The following SYNJ2BP variants were observed in gnomAD, a reference collection of about 807,000 sequenced individuals.
SYNJ2BP encodes synaptojanin-2-binding protein.
SYNJ2BP carries 10 observed loss-of-function variants against 16.9 expected under a neutral mutation model. The observed-to-expected ratio is 0.59, with a 90% CI of 0.36 to 1.00. The LOEUF is 1.00. Among genes scored for constraint, SYNJ2BP ranks in the 50% least tolerant of loss-of-function variants. The probability of loss-of-function intolerance (pLI) is 0.01; values close to 1 mark genes in which losing one functional copy is unlikely to be tolerated. For synonymous variants in SYNJ2BP, 54 were observed against 68.4 expected (o/e 0.79, Z 1.04); for missense variants, 162 against 186.7 (o/e 0.87, Z 0.77).
rs533481441 is a variant in SYNJ2BP at position 70,367,500 on chromosome 14, T to G, written c.*5491A>C. 4 of 135,312 alleles carry G rather than the reference T, an allele frequency of 3.0e-5. No individual in the cohort carries two copies. Among genetic ancestry groups the G allele is most frequent in the East Asian group, 4.7e-4 (2 of 4,246 alleles). 8.4% of individuals were successfully genotyped at this position (135,312 alleles called of 1,614,324 possible). ...TCGCTTGAACCCGGGCGGCAGAGAT[T>G]GCAGTGAGCTGAGATCGTGCCACTG... On this transcript the variant is annotated 3_prime_UTR_variant, in exon 4 of 4. Coordinates refer to ENST00000256366, the MANE Select transcript of SYNJ2BP (RefSeq NM_018373.3).
rs1887494376 is a variant in SYNJ2BP, at chr14:70,370,441, T to G, written c.*2550A>C. ...CTGTGGAACCTACAATGAGTCCAGT[T>G]GTCTAAGTGAGTCTCAAAGGTATTG... On this transcript the variant is annotated 3_prime_UTR_variant, in exon 4 of 4. Transcript: ENST00000256366. 1 of 152,204 alleles carries G rather than the reference T, an allele frequency of 6.6e-6. No homozygotes were observed. Among genetic ancestry groups the G allele is most frequent in the Admixed American group, 6.5e-5 (1 of 15,286 alleles). 9.4% of individuals were successfully genotyped at this position (152,204 alleles called of 1,614,324 possible). A position where few individuals can be genotyped will look rare whatever the true frequency, so the allele number is the denominator to read the frequency against.
chr14:70,388,657 A>C (rs762921740), intron 1 of SYNJ2BP, 51 bp from the exon 2 acceptor site: 1 of 1,432,872 alleles, frequency 7.0e-7, no homozygotes, highest in South Asian at 1.7e-5. Context: ...AGAAAGAAAG[A>C]GATTAGAGAA....
At chr14:70,375,524 A>C in intron 3 of SYNJ2BP, 152 bp downstream of exon 3, 1 of 980,592 alleles carries the variant, frequency 1.0e-6, no homozygotes, top group Non-Finnish European at 1.4e-6. Context: ...TGATAAGCAG[A>C]AGTACCAATG....
At chr14:70,381,019 A>G (rs1887738313) in intron 2 of SYNJ2BP, among the ~76,000 whole-genome samples, 1 of 152,234 alleles carries the variant, frequency 6.6e-6, no homozygotes, top group Non-Finnish European at 1.5e-5. Flanking sequence ...AGCATAATAA[A>G]TAGCACATGC....
intron 1 of SYNJ2BP, among the ~76,000 whole-genome samples, chr14:70,395,779 T>C (rs1888076603): frequency 6.6e-6 from 1 of 152,198 alleles, no homozygotes; most frequent in Non-Finnish European, 1.5e-5. Flanking sequence ...CACTAAAAAA[T>C]AGCTCCTTAT....
chr14:70,403,938 T>C (rs754607301), intron 1 of SYNJ2BP, among the ~76,000 whole-genome samples: 25 of 152,208 alleles, frequency 1.6e-4, no homozygotes, highest in Non-Finnish European at 2.8e-4. Context: ...GTAACTCAAA[T>C]GCCTTTTAGT....
In SYNJ2BP at chr14:70,370,424, C is replaced by A. The variant is rs754014901; in HGVS notation, c.*2567G>T. The A allele has an allele frequency of 2.6e-5, 4 of 152,116 alleles. No homozygotes were observed. Among genetic ancestry groups the A allele is most frequent in the Admixed American group, 6.5e-5 (1 of 15,276 alleles). The allele number at this position is 152,116 out of a possible 1,614,324, so 9.4% of individuals were successfully genotyped here. Reference sequence around the variant, plus strand: ...ATGTTGTCCGTGTTTTTCTGTGGAACCTACAATGAGTCCAGTTGTCTAAGT... The same window carrying A: ...ATGTTGTCCGTGTTTTTCTGTGGAAACTACAATGAGTCCAGTTGTCTAAGT... On this transcript the variant is annotated 3_prime_UTR_variant, in exon 4 of 4. Transcript: ENST00000256366.
At chr14:70,394,670 T>C (rs1375577758) in intron 1 of SYNJ2BP, among the ~76,000 whole-genome samples, 1 of 151,940 alleles carries the variant, frequency 6.6e-6, no homozygotes, top group Non-Finnish European at 1.5e-5. Flanking sequence ...CCTTGGAAAG[T>C]TAAACAAGAA....
rs548430824 is a variant in SYNJ2BP, at chr14:70,412,353, T to C, written c.64+4547A>G. Among the ~76,000 whole-genome samples, 7 of 152,092 alleles carry C rather than the reference T, an allele frequency of 4.6e-5. No homozygotes were observed. The East Asian group carries it at 7.7e-4, about 17-fold the overall frequency. ...AAAAATCCTTTGAAATTTACTGGCA[T>C]TAGAAACTGGGCAAGTCCTTAACCT... On this transcript the variant is annotated intron_variant, in intron 1 of 3. Coordinates refer to ENST00000256366, the MANE Select transcript of SYNJ2BP (RefSeq NM_018373.3).
At chr14:70,413,070 A>G (rs548061729) in intron 1 of SYNJ2BP, among the ~76,000 whole-genome samples, 6 of 152,352 alleles carry the variant, frequency 3.9e-5, no homozygotes, top group African/African-American at 1.4e-4. Flanking sequence ...CCTTGAAGAC[A>G]TTTGAGATTG....
At chr14:70,411,426 T>C (rs998528294) in intron 1 of SYNJ2BP, among the ~76,000 whole-genome samples, 11 of 152,304 alleles carry the variant, frequency 7.2e-5, no homozygotes, top group African/African-American at 2.6e-4. Context: ...GGCTAGGAAG[T>C]AGAAAGAATC....
chr14:70,406,182 C>A (rs528662369), intron 1 of SYNJ2BP, among the ~76,000 whole-genome samples: 23 of 152,158 alleles, frequency 1.5e-4, no homozygotes, highest in Non-Finnish European at 1.9e-4. Context: ...TACCACCACA[C>A]ACACACACCA....
At chr14:70,412,751 T>C (rs1888515860) in intron 1 of SYNJ2BP, among the ~76,000 whole-genome samples, 2 of 152,132 alleles carry the variant, frequency 1.3e-5, no homozygotes, top group Non-Finnish European at 1.5e-5. Flanking sequence ...TTCTCTTCCC[T>C]CTTTAAAGAT....
At chr14:70,395,565 C>T (rs930031168) in intron 1 of SYNJ2BP, among the ~76,000 whole-genome samples, 1 of 151,766 alleles carries the variant, frequency 6.6e-6, no homozygotes, top group African/African-American at 2.4e-5. Context: ...TAATTTTCTC[C>T]CAGACATCAA....
chr14:70,375,588 G>A, intron 3 of SYNJ2BP, 88 bp downstream of exon 3: 2 of 1,471,674 alleles, frequency 1.4e-6, no homozygotes, highest in East Asian at 2.4e-5. Flanking sequence ...AAAACAAAAA[G>A]CAACACTGAA....
chr14:70,393,279 G>A (rs1419589305), intron 1 of SYNJ2BP, among the ~76,000 whole-genome samples: 1 of 152,144 alleles, frequency 6.6e-6, no homozygotes, highest in East Asian at 1.9e-4. Flanking sequence ...TTGGAATGGC[G>A]ATCATTAAAA....
chr14:70,400,650 A>AC (rs1285957911), intron 1 of SYNJ2BP, among the ~76,000 whole-genome samples: 12 of 152,242 alleles, frequency 7.9e-5, no homozygotes, highest in African/African-American at 2.9e-4. Flanking sequence ...CAATCATTTA[A>AC]CCCCCTAAAC....
chr14:70,382,571 C>CA (rs751839097), intron 2 of SYNJ2BP, among the ~76,000 whole-genome samples: 3 of 152,170 alleles, frequency 2.0e-5, no homozygotes, highest in Non-Finnish European at 4.4e-5. Flanking sequence ...AGGTGATGGC[C>CA]AGACTGCTGG....
intron 1 of SYNJ2BP, among the ~76,000 whole-genome samples, chr14:70,411,191 T>C (rs1008778178): frequency 6.6e-6 from 1 of 152,236 alleles, no homozygotes; most frequent in African/African-American, 2.4e-5. Context: ...TAAAGAGTTG[T>C]ATAATGCAGA....
Sources: gnomAD v4.1 joint callset for allele counts (sites outside exome capture counted in the v4.1 genomes callset) on GRCh38, gnomAD v4.1.1 for gene constraint, MANE v1.5 for transcripts, NCBI Gene and HGNC (gene_info 2026-07-23, HGNC 2026-07-21) for gene names.